Variants in MOBP observed in about 807,000 individuals in gnomAD.
MOBP encodes myelin-associated oligodendrocyte basic protein.
In MOBP, 5 loss-of-function variants were observed where a neutral mutation model predicts 15.0. That is an observed-to-expected ratio of 0.33 (90% CI 0.17 to 0.70). The LOEUF (loss-of-function observed/expected upper bound fraction) is 0.70, where lower values mean the gene tolerates loss of function less well. Ranked by LOEUF, MOBP falls within the 30% of genes least tolerant of loss-of-function variation. The pLI is 0.67. For missense variants in MOBP, 188 were observed against 257.8 expected (o/e 0.73, Z 1.85); for synonymous variants, 88 against 99.0 (o/e 0.89, Z 0.66).
intron 2 of MOBP, among the ~76,000 whole-genome samples, chr3:39,486,790 C>T (rs1768213): frequency 0.3 from 45,149 of 151,692 alleles, 9,040 homozygotes; most frequent in African/African-American, 0.57. Context: ...AATTTTCTTT[C>T]GGGTTGTTTT....
intron 1 of MOBP, among the ~76,000 whole-genome samples, chr3:39,474,135 A>T (rs1385018981): frequency 6.6e-6 from 1 of 152,238 alleles, no homozygotes; most frequent in Non-Finnish European, 1.5e-5. Context: ...AATGCTCCAA[A>T]CAAGGGATTT....
chr3:39,496,625 C>T (rs2042887642), intron 2 of MOBP, among the ~76,000 whole-genome samples: 1 of 151,804 alleles, frequency 6.6e-6, no homozygotes, highest in Non-Finnish European at 1.5e-5. Flanking sequence ...TCCTGAGTAG[C>T]TGGGATTACA....
chr3:39,508,743 T>C (rs1288714697), intron 4 of MOBP, among the ~76,000 whole-genome samples: 1 of 152,048 alleles, frequency 6.6e-6, no homozygotes, highest in Non-Finnish European at 1.5e-5. Context: ...AGAGAGGGCT[T>C]TCACTATGTT....
downstream of MOBP, chr3:39,524,899 T>C (rs368245562): frequency 1.3e-4 from 20 of 152,234 alleles, no homozygotes; most frequent in East Asian, 3.5e-3. Flanking sequence ...ACACATTAGA[T>C]AGATAAATTT....
downstream of MOBP, among the ~76,000 whole-genome samples, chr3:39,517,005 G>C (rs543066369): frequency 3.9e-5 from 6 of 152,124 alleles, no homozygotes; most frequent in Non-Finnish European, 4.4e-5. Context: ...AGGGCTTCCT[G>C]CCTGACTCCA....
chr3:39,472,175 C>T (rs2042480766), intron 1 of MOBP, among the ~76,000 whole-genome samples: 2 of 152,192 alleles, frequency 1.3e-5, no homozygotes, highest in African/African-American at 4.8e-5. Flanking sequence ...ACTTCCTTTA[C>T]TTTGAGAAGA....
chr3:39,476,151 C>T (rs888391698), intron 1 of MOBP, among the ~76,000 whole-genome samples: 1 of 142,838 alleles, frequency 7.0e-6, no homozygotes, highest in South Asian at 2.2e-4. Flanking sequence ...AGGTGCTGCA[C>T]ACTTTTAAGC....
At chr3:39,501,992 T>A in intron 2 of MOBP, 74 bp from the exon 3 acceptor site, 1 of 1,288,550 alleles carries the variant, frequency 7.8e-7, no homozygotes. Flanking sequence ...AGCAGGGGGC[T>A]TCCAGAGTAG....
At chr3:39,529,070 C>G (rs1426444099), downstream of MOBP, 1 of 152,132 alleles carries the variant, frequency 6.6e-6, no homozygotes, top group Non-Finnish European at 1.5e-5. Flanking sequence ...CACTATGACT[C>G]ACTATAAGGG....
At chr3:39,475,056 T>C (rs2042526530) in intron 1 of MOBP, among the ~76,000 whole-genome samples, 2 of 152,232 alleles carry the variant, frequency 1.3e-5, no homozygotes, top group Admixed American at 6.5e-5. Context: ...TTGCATTTAG[T>C]TATCAGGTCT....
downstream of MOBP, among the ~76,000 whole-genome samples, chr3:39,505,588 T>C (rs2043037847): frequency 6.6e-6 from 1 of 152,218 alleles, no homozygotes; most frequent in Non-Finnish European, 1.5e-5. Context: ...ACAATGCTTA[T>C]GCAGAACAGA....
chr3:39,516,814 G>A (rs2043207790), downstream of MOBP, among the ~76,000 whole-genome samples: 1 of 152,174 alleles, frequency 6.6e-6, no homozygotes, highest in African/African-American at 2.4e-5. Flanking sequence ...GAAATGCAGA[G>A]TCTAATTTTC....
chr3:39,473,000 T>C (rs1250997087), intron 1 of MOBP, among the ~76,000 whole-genome samples: 1 of 152,102 alleles, frequency 6.6e-6, no homozygotes, highest in Admixed American at 6.6e-5. Flanking sequence ...CCAGAGAGTC[T>C]TGTGGATAGG....
chr3:39,485,245 T>A (rs1311632013), intron 2 of MOBP, among the ~76,000 whole-genome samples: 4 of 152,220 alleles, frequency 2.6e-5, no homozygotes, highest in South Asian at 2.1e-4. Context: ...GATAATGACA[T>A]CCTTAGAGAC....
Position 39,501,934 on chromosome 3 carries a change from G to A in MOBP, c.-4-132G>A, listed in dbSNP as rs1480463736. On this transcript the variant is annotated intron_variant, in intron 2 of 3. Coordinates refer to ENST00000684792, the MANE Select transcript of MOBP (RefSeq NM_001393704.1). ...GTTGGGGGGAAGTTGGTCTTCCAGG[G>A]TGTTGCTCTGTAGGGCCCCCCTGAA... 4.4e-6 allele frequency: 3 copies of A among 684,746 alleles called. No individual in the cohort carries two copies. The East Asian group carries it at 8.1e-5, about 19-fold the overall frequency. 42.4% of individuals were successfully genotyped at this position (684,746 alleles called of 1,614,324 possible). A position where few individuals can be genotyped will look rare whatever the true frequency, so the allele number is the denominator to read the frequency against.
At chr3:39,480,935 TC>T (rs1326720866) in intron 2 of MOBP, among the ~76,000 whole-genome samples, 1 of 152,234 alleles carries the variant, frequency 6.6e-6, no homozygotes, top group Non-Finnish European at 1.5e-5. Context: ...GTTATATATA[TC>T]CCATTACAAG....
At chr3:39,508,820 T>C (rs2043081187) in intron 4 of MOBP, among the ~76,000 whole-genome samples, 1 of 152,144 alleles carries the variant, frequency 6.6e-6, no homozygotes, top group Non-Finnish European at 1.5e-5. Context: ...GTGCTGGGAT[T>C]ACAGGCATAA....
intron 1 of MOBP, among the ~76,000 whole-genome samples, chr3:39,474,323 A>G (rs2042512676): frequency 1.3e-5 from 2 of 152,250 alleles, no homozygotes. Context: ...CATTAACTTA[A>G]ATGAAACACA....
intron 2 of MOBP, among the ~76,000 whole-genome samples, chr3:39,498,793 CAG>C (rs1330304111): frequency 1.3e-5 from 2 of 151,930 alleles, no homozygotes; most frequent in African/African-American, 2.4e-5. Context: ...TCGGGGGAGA[CAG>C]GGAGTGAGGG....
Sources: allele counts gnomAD v4.1 joint callset (sites outside exome capture counted in the v4.1 genomes callset), GRCh38; gene constraint gnomAD v4.1.1; transcripts MANE v1.5; gene names NCBI Gene and HGNC (gene_info 2026-07-23, HGNC 2026-07-21).